Variants in DPYSL2 observed in about 807,000 individuals in gnomAD.
The protein encoded by DPYSL2 is dihydropyrimidinase-related protein 2.
In DPYSL2, 13 loss-of-function variants were observed where a neutral mutation model predicts 69.9. The observed-to-expected ratio is 0.19, with a 90% CI of 0.12 to 0.30. DPYSL2 has a LOEUF of 0.30. Ranked by LOEUF, DPYSL2 falls within the 10% of genes least tolerant of loss-of-function variation. The probability of loss-of-function intolerance (pLI) is 1.00; values close to 1 mark genes in which losing one functional copy is unlikely to be tolerated. For synonymous variants in DPYSL2, 326 were observed against 359.1 expected, an observed-to-expected ratio of 0.91 and a Z score of 1.04; for missense variants, 587 against 918.9, an observed-to-expected ratio of 0.64 and a Z score of 4.67.
At position 26,654,583 on chromosome 8, in the gene DPYSL2, C is replaced by G. The variant is rs1194283588; in HGVS notation, c.1943-1032C>G. On this transcript the variant is annotated intron_variant, in intron 13 of 13. Coordinates refer to ENST00000521913, the MANE Select transcript of DPYSL2 (RefSeq NM_001197293.3). This position sits in a 1 kb window ranked among gnomAD's most constrained non-coding sequence, Gnocchi z 5.0. ...GTTTTCTGATCTCTCAAAGCTGTTC[C>G]AATATAAGGTGCCATCGTTCCTCCT... 6.6e-6 allele frequency among the ~76,000 whole-genome samples: 1 copy of G among 152,056 alleles called. No individual in the cohort carries two copies. The highest frequency in any genetic ancestry group is 1.5e-5 in the Non-Finnish European group (1 of 68,004).
intron 1 of DPYSL2, among the ~76,000 whole-genome samples, chr8:26,529,400 G>A (rs1800459174): frequency 6.6e-6 from 1 of 151,882 alleles, no homozygotes. Flanking sequence ...TGTGATCATA[G>A]CTCATTGCAG....
At position 26,571,747 on chromosome 8, in the gene DPYSL2, G is replaced by A. The variant is rs545329221; in HGVS notation, c.355-10222G>A. Among the ~76,000 whole-genome samples, 1 of 152,266 alleles carries A rather than the reference G, an allele frequency of 6.6e-6. No homozygotes were observed. Among genetic ancestry groups the A allele is most frequent in the East Asian group, 1.9e-4 (1 of 5,176 alleles). Reference sequence around the variant, plus strand: ...TCTGTACAGTTCTAGCCAAAGCAGCGTCTGTTTCGGAGGGCCAGTCACTGC... The same window carrying A: ...TCTGTACAGTTCTAGCCAAAGCAGCATCTGTTTCGGAGGGCCAGTCACTGC... On this transcript the variant is annotated intron_variant, in intron 1 of 13. Transcript: ENST00000521913. The surrounding 1 kb of genome is among the most constrained non-coding windows in gnomAD (Gnocchi z 6.1).
intron 7 of DPYSL2, among the ~76,000 whole-genome samples, chr8:26,632,802 C>G (rs1303928599): frequency 6.6e-6 from 1 of 152,252 alleles, no homozygotes; most frequent in Non-Finnish European, 1.5e-5. Flanking sequence ...ACAGGCATCT[C>G]TGCTGTAAGT....
chr8:26,616,314 C>T (rs986940590), intron 3 of DPYSL2, among the ~76,000 whole-genome samples: 3 of 152,110 alleles, frequency 2.0e-5, no homozygotes, highest in Non-Finnish European at 4.4e-5. Flanking sequence ...CACAAAGGCT[C>T]TTATCTCTCC....
chr8:26,646,601 G>A (rs1419685816), intron 10 of DPYSL2, among the ~76,000 whole-genome samples: 1 of 152,036 alleles, frequency 6.6e-6, no homozygotes, highest in African/African-American at 2.4e-5. Flanking sequence ...TTTTTTACTG[G>A]ATTTAGAGTG....
At chr8:26,646,756 C>T (rs975287061) in intron 10 of DPYSL2, among the ~76,000 whole-genome samples, 1 of 151,792 alleles carries the variant, frequency 6.6e-6, no homozygotes, top group African/African-American at 2.4e-5. Context: ...TTTGGGAGAG[C>T]GAGGTGGGAG....
intron 8 of DPYSL2, among the ~76,000 whole-genome samples, chr8:26,637,045 C>T (rs980988041): frequency 2.0e-5 from 3 of 152,162 alleles, no homozygotes; most frequent in Non-Finnish European, 2.9e-5. Flanking sequence ...CCTGGCCACC[C>T]CTATTGTCTT....
rs1803023070 is a variant in DPYSL2 at position 26,640,767 on chromosome 8, G to A, written c.1127-2672G>A. Among the ~76,000 whole-genome samples, 1 of 152,190 alleles carries A rather than the reference G, an allele frequency of 6.6e-6. No homozygotes were observed. Among genetic ancestry groups the A allele is most frequent in the African/African-American group, 2.4e-5 (1 of 41,446 alleles). On this transcript the variant is annotated intron_variant, in intron 8 of 13. Coordinates refer to ENST00000521913, the MANE Select transcript of DPYSL2 (RefSeq NM_001197293.3). This position sits in a 1 kb window ranked among gnomAD's most constrained non-coding sequence, Gnocchi z 4.2. The stretch of plus-strand genomic sequence containing the variant: ...AGAGCAAAGTAGAAATGAACCACAG[G>A]ATGGCTCCATCCCTCCCCTGGCATC...
rs1801632069 is a variant in DPYSL2, at chr8:26,587,446, C to T, written c.628+3463C>T. Among the ~76,000 whole-genome samples, 1 of 152,208 alleles carries T rather than the reference C, an allele frequency of 6.6e-6. No individual in the cohort carries two copies. The highest frequency in any genetic ancestry group is 1.5e-5 in the Non-Finnish European group (1 of 68,038). On this transcript the variant is annotated intron_variant, in intron 3 of 13. Transcript: ENST00000521913. The surrounding 1 kb of genome is among the most constrained non-coding windows in gnomAD (Gnocchi z 4.2). ...TGTCACCTGCCCTCACGGGTAAATC[C>T]TCGCCTGCCTCCCTGCTGGCTCTGC...
chr8:26,522,901 C>T (rs893191349), intron 1 of DPYSL2, among the ~76,000 whole-genome samples: 1 of 151,736 alleles, frequency 6.6e-6, no homozygotes, highest in African/African-American at 2.4e-5. Flanking sequence ...TTATACTATC[C>T]CCGGCTGTTC....
In DPYSL2 at chr8:26,578,960, C is replaced by T. The variant is rs548801649; in HGVS notation, c.355-3009C>T. Among the ~76,000 whole-genome samples, 404 of 152,336 alleles carry T rather than the reference C, an allele frequency of 2.7e-3. 2 individuals are homozygous for T. Among genetic ancestry groups the T allele is most frequent in the African/African-American group, 9.1e-3 (377 of 41,580 alleles). On this transcript the variant is annotated intron_variant, in intron 1 of 13. Coordinates refer to ENST00000521913, the MANE Select transcript of DPYSL2 (RefSeq NM_001197293.3). ...GCCAGGAACCGGTTTTGGGTGCCCCCCCCCCGGTTTTCTCGCCCTGTAGTT... is the reference window on the plus strand; with the variant it reads ...GCCAGGAACCGGTTTTGGGTGCCCCTCCCCCGGTTTTCTCGCCCTGTAGTT...
chr8:26,527,714 A>T (rs981558782), intron 1 of DPYSL2, among the ~76,000 whole-genome samples: 5 of 152,178 alleles, frequency 3.3e-5, no homozygotes, highest in Non-Finnish European at 7.3e-5. Flanking sequence ...TAGCACTGAA[A>T]TCATAAAGGG....
chr8:26,551,942 T>C (rs1800880700), intron 1 of DPYSL2, among the ~76,000 whole-genome samples: 1 of 152,128 alleles, frequency 6.6e-6, no homozygotes, highest in Non-Finnish European at 1.5e-5. Flanking sequence ...GTCTCCTGAG[T>C]AGCTGGGACC....
rs1007701513 is a variant in DPYSL2 at position 26,585,142 on chromosome 8, T to G, written c.628+1159T>G. 1.3e-5 allele frequency among the ~76,000 whole-genome samples: 2 copies of G among 152,196 alleles called. No homozygotes were observed. Among genetic ancestry groups the G allele is most frequent in the African/African-American group, 2.4e-5 (1 of 41,456 alleles). ...TTGCATCCAAGAGTGACAGTCAACGTGGAGTCTGTCATATATGAAAAGATA... is the reference window on the plus strand; with the variant it reads ...TTGCATCCAAGAGTGACAGTCAACGGGGAGTCTGTCATATATGAAAAGATA... On this transcript the variant is annotated intron_variant, in intron 3 of 13. Transcript: ENST00000521913. This position sits in a 1 kb window ranked among gnomAD's most constrained non-coding sequence, Gnocchi z 4.0.
rs865816022 is a variant in DPYSL2 at position 26,514,113 on chromosome 8, G to A, written c.-213G>A. On this transcript the variant is annotated 5_prime_UTR_variant, in exon 1 of 14. Transcript: ENST00000521913. The surrounding 1 kb of genome is among the most constrained non-coding windows in gnomAD (Gnocchi z 8.4). ...CGAGCTCGCGCTGTAGCCGCGGGGG[G>A]CGTGGGCAGGGAGGGGAGAAGCGGG... 7.5e-6 allele frequency: 3 copies of A among 397,352 alleles called. No individual in the cohort carries two copies. The highest frequency in any genetic ancestry group is 2.2e-4 in the South Asian group (2 of 8,992). 24.6% of individuals were successfully genotyped at this position (397,352 alleles called of 1,614,324 possible). A position where few individuals can be genotyped will look rare whatever the true frequency, so the allele number is the denominator to read the frequency against.
At position 26,557,287 on chromosome 8, in the gene DPYSL2, A is replaced by C. The variant is rs374277550; in HGVS notation, c.355-24682A>C. ...CAGAGACTGGGAGGAAAAAAATTGC[A>C]AAAGACACACATATGGTAAAGAACT... On this transcript the variant is annotated intron_variant, in intron 1 of 13. Coordinates refer to ENST00000521913, the MANE Select transcript of DPYSL2 (RefSeq NM_001197293.3). Among the ~76,000 whole-genome samples the C allele has an allele frequency of 3.3e-5, 5 of 152,072 alleles. No homozygotes were observed. In the East Asian group the frequency reaches 7.7e-4, roughly 24 times the overall value.
intron 1 of DPYSL2, among the ~76,000 whole-genome samples, chr8:26,522,682 T>C (rs1317411429): frequency 6.6e-6 from 1 of 152,248 alleles, no homozygotes; most frequent in Non-Finnish European, 1.5e-5. Context: ...TTTGTACATT[T>C]TTTTTAGCTG....
In DPYSL2 at chr8:26,621,632, C is replaced by T. The variant is rs1477562178; in HGVS notation, c.629-2511C>T. Among the ~76,000 whole-genome samples the T allele has an allele frequency of 6.6e-6, 1 of 152,066 alleles. No individual in the cohort carries two copies. The highest frequency in any genetic ancestry group is 1.5e-5 in the Non-Finnish European group (1 of 68,016). On this transcript the variant is annotated intron_variant, in intron 3 of 13. Coordinates refer to ENST00000521913, the MANE Select transcript of DPYSL2 (RefSeq NM_001197293.3). The surrounding 1 kb of genome is among the most constrained non-coding windows in gnomAD (Gnocchi z 4.9). ...GAAATGGATTCAGAAACGATGCCAC[C>T]CTGGGATGGTGACATATAGCCCCAG...
At chr8:26,616,036 G>T (rs942960969) in intron 3 of DPYSL2, among the ~76,000 whole-genome samples, 1 of 152,028 alleles carries the variant, frequency 6.6e-6, no homozygotes, top group Non-Finnish European at 1.5e-5. Flanking sequence ...ATATTCCCTC[G>T]TTTACAACAC....
Sources: gnomAD v4.1 joint callset for allele counts (sites outside exome capture counted in the v4.1 genomes callset) on GRCh38, gnomAD v4.1.1 for gene constraint, Gnocchi (gnomAD v3.1) non-coding constraint, MANE v1.5 for transcripts, NCBI Gene and HGNC (gene_info 2026-07-23, HGNC 2026-07-21) for gene names.